Variants in ARID1A observed in about 807,000 individuals in gnomAD.
ARID1A encodes AT-rich interactive domain-containing protein 1A.
In ARID1A, 20 loss-of-function variants were observed where a neutral mutation model predicts 212.6. That is an observed-to-expected ratio of 0.09 (90% CI 0.07 to 0.14). ARID1A has a LOEUF of 0.14. Among genes scored for constraint, ARID1A ranks in the 10% least tolerant of loss-of-function variants. The pLI is 1.00. For synonymous variants in ARID1A, 1,376 were observed against 1,222.1 expected (o/e 1.13, Z -2.63); for missense variants, 2,587 against 3,059.0 (o/e 0.85, Z 3.64).
rs887724617 is a variant in ARID1A, at chr1:26,771,413, A to G, written c.3406+87A>G. On this transcript the variant is annotated intron_variant, in intron 12 of 19. Transcript: ENST00000324856. The surrounding 1 kb of genome is among the most constrained non-coding windows in gnomAD (Gnocchi z 5.4). ...CAGGATATGAATAAGAGGCTTATCC[A>G]ACAGGATATGCCAAGGATCTGTGCT... 1.5e-6 allele frequency: 2 copies of G among 1,359,998 alleles called. No homozygotes were observed. Among genetic ancestry groups the G allele is most frequent in the African/African-American group, 2.9e-5 (2 of 68,894 alleles). The allele number at this position is 1,359,998 out of a possible 1,614,324, so 84.2% of individuals were successfully genotyped here.
In ARID1A at chr1:26,772,295, G is replaced by T. The variant is rs551439315; in HGVS notation, c.3407-205G>T. ...GCCACATCACTCCTCTTTTCTACACGTAAAACAAAAACAAAGAGCTACAAA... is the reference window on the plus strand; with the variant it reads ...GCCACATCACTCCTCTTTTCTACACTTAAAACAAAAACAAAGAGCTACAAA... On this transcript the variant is annotated intron_variant, in intron 12 of 19. Transcript: ENST00000324856. 4.7e-5 allele frequency: 33 copies of T among 696,586 alleles called. No homozygotes were observed. The Admixed American group carries it at 9.8e-4, about 21-fold the overall frequency. 43.2% of individuals were successfully genotyped at this position (696,586 alleles called of 1,614,324 possible).
intron 1 of ARID1A, among the ~76,000 whole-genome samples, chr1:26,719,401 C>T (rs74402083): frequency 6.6e-6 from 1 of 152,174 alleles, no homozygotes; most frequent in East Asian, 1.9e-4. Context: ...ACTGGCCAGG[C>T]ACTGCCCTCT....
At chr1:26,754,287 G>T (rs1212733512) in intron 4 of ARID1A, among the ~76,000 whole-genome samples, 1 of 152,194 alleles carries the variant, frequency 6.6e-6, no homozygotes, top group Non-Finnish European at 1.5e-5. Context: ...GGAGCTGAGA[G>T]CAATATCTGT....
chr1:26,696,055 G>T lies in ARID1A; in HGVS notation c.-349G>T. ...GCAGAAAGCGGAGAGTCACAGCGGG[G>T]CCAGGCCCTGGGGAGCGGAGCCTCC... On this transcript the variant is annotated 5_prime_UTR_variant, in exon 1 of 20. Coordinates refer to ENST00000324856, the MANE Select transcript of ARID1A (RefSeq NM_006015.6). 1 of 668,300 alleles carries T rather than the reference G, an allele frequency of 1.5e-6. No homozygotes were observed. The highest frequency in any genetic ancestry group is 6.0e-5 in the Admixed American group (1 of 16,696). 41.4% of individuals were successfully genotyped at this position (668,300 alleles called of 1,614,324 possible).
intron 1 of ARID1A, among the ~76,000 whole-genome samples, chr1:26,720,670 G>C (rs568380924): frequency 7.8e-4 from 119 of 152,112 alleles, no homozygotes; most frequent in African/African-American, 2.8e-3. Flanking sequence ...TTGAGCTTAG[G>C]AGTTGAAGAA....
intron 4 of ARID1A, among the ~76,000 whole-genome samples, chr1:26,736,430 C>G (rs2080730621): frequency 6.6e-6 from 1 of 151,586 alleles, no homozygotes; most frequent in Admixed American, 6.6e-5. Flanking sequence ...GAGTTCGAGA[C>G]CAGCCTGGCC....
In ARID1A at chr1:26,742,299, G is replaced by A. The variant is rs1176891337; in HGVS notation, c.1920+9507G>A. On this transcript the variant is annotated intron_variant, in intron 4 of 19. Transcript: ENST00000324856. The stretch of plus-strand genomic sequence containing the variant: ...GAGCTGTGGAAAGAGCGAGTGGTAG[G>A]AAAGATAGCCAAACCTATAGGACCT... 3.3e-5 allele frequency among the ~76,000 whole-genome samples: 5 copies of A among 152,204 alleles called. No individual in the cohort carries two copies. The East Asian group carries it at 9.6e-4, about 29-fold the overall frequency.
At chr1:26,759,506 C>T (rs1314570062) in intron 4 of ARID1A, among the ~76,000 whole-genome samples, 1 of 152,176 alleles carries the variant, frequency 6.6e-6, no homozygotes, top group African/African-American at 2.4e-5. Flanking sequence ...CTGCGCGTGG[C>T]CCAGTGTGTT....
chr1:26,773,738 G>T (rs779413130), intron 16 of ARID1A, 21 bp downstream of exon 16: 31 of 1,614,056 alleles, frequency 1.9e-5, no homozygotes, highest in Non-Finnish European at 2.6e-5. Flanking sequence ...CCTGGTCTCG[G>T]TGCTGCTATG....
intron 7 of ARID1A, 61 bp downstream of exon 7, chr1:26,762,380 G>C (rs1210125353): frequency 3.1e-5 from 48 of 1,540,482 alleles, no homozygotes; most frequent in Non-Finnish European, 4.1e-5. Flanking sequence ...TTCCTTGTCT[G>C]ATATGTTGCC....
In ARID1A at chr1:26,729,711, C is replaced by G. The variant is rs576042781; in HGVS notation, c.1198C>G (p.Pro400Ala). The G allele has an allele frequency of 1.2e-6, 2 of 1,614,236 alleles. No homozygotes were observed. Among genetic ancestry groups the G allele is most frequent in the African/African-American group, 2.7e-5 (2 of 75,050 alleles). The change falls in exon 2 of 20, where the codon CCA becomes GCA. Residue 400 changes from proline to alanine, a missense_variant. Transcript: ENST00000324856. ...MRPQPYGGTN[P>A]YSQQQGPPSG... The stretch of plus-strand genomic sequence containing the variant: ...ACCTCAGCCATATGGCGGGACTAAC[C>G]CATACTCGCAGCAACAGGGACCTCC...
intron 1 of ARID1A, among the ~76,000 whole-genome samples, chr1:26,708,955 A>G (rs1485295218): frequency 6.6e-6 from 1 of 151,928 alleles, no homozygotes; most frequent in Non-Finnish European, 1.5e-5. Flanking sequence ...TCGGCCTCCC[A>G]AAGTGCTGGG....
At chr1:26,725,431 C>G (rs1431339801) in intron 1 of ARID1A, among the ~76,000 whole-genome samples, 1 of 152,156 alleles carries the variant, frequency 6.6e-6, no homozygotes, top group South Asian at 2.1e-4. Context: ...AGTTATGTCC[C>G]TGCTCACCTC....
chr1:26,771,035 CT>C lies in ARID1A; in HGVS notation c.3199-82del. 4 of 1,272,462 alleles carry C rather than the reference CT, an allele frequency of 3.1e-6. No homozygotes were observed. The Middle Eastern group carries it at 5.6e-4, about 178-fold the overall frequency. The allele number at this position is 1,272,462 out of a possible 1,614,324, so 78.8% of individuals were successfully genotyped here. A position where few individuals can be genotyped will look rare whatever the true frequency, so the allele number is the denominator to read the frequency against. On this transcript the variant is annotated intron_variant, in intron 11 of 19. Coordinates refer to ENST00000324856, the MANE Select transcript of ARID1A (RefSeq NM_006015.6). The surrounding 1 kb of genome is among the most constrained non-coding windows in gnomAD (Gnocchi z 5.4). ...ACTGTGGTTCTACAAAGATGAATAC[CT>C]TACAGCCTGATGGGGCTTGGGGCTT...
rs1181539238 is a variant in ARID1A, at chr1:26,697,024, C to T, written c.621C>T (p.Phe207=). Residue 207 remains phenylalanine, a synonymous_variant, in exon 1 of 20, where the codon TTC becomes TTT. Transcript: ENST00000324856. ...AGCAGAACTCTCACGACCACGGCTTCCCCAACCACCAGTACAACTCCTACT... is the reference window on the plus strand; with the variant it reads ...AGCAGAACTCTCACGACCACGGCTTTCCCAACCACCAGTACAACTCCTACT... ...GPQQNSHDHG[F]PNHQYNSYYP... The T allele has an allele frequency of 3.3e-6, 5 of 1,537,396 alleles. No homozygotes were observed. The Admixed American group carries it at 6.1e-5, about 19-fold the overall frequency.
Position 26,780,935 on chromosome 1 carries a change from T to G in ARID1A, c.*179T>G. On this transcript the variant is annotated 3_prime_UTR_variant, in exon 20 of 20. Transcript: ENST00000324856. The surrounding 1 kb of genome is among the most constrained non-coding windows in gnomAD (Gnocchi z 7.2). ...CTCTCCTCCTTCCACCTCCCCTCCC[T>G]CCATCACCTCACGCCTTTCTGTTCC... The G allele has an allele frequency of 1.2e-6, 1 of 827,654 alleles. No individual in the cohort carries two copies. The highest frequency in any genetic ancestry group is 1.8e-6 in the Non-Finnish European group (1 of 551,750). The allele number at this position is 827,654 out of a possible 1,614,324, so 51.3% of individuals were successfully genotyped here.
At chr1:26,716,417 A>G (rs1324764900) in intron 1 of ARID1A, among the ~76,000 whole-genome samples, 1 of 152,168 alleles carries the variant, frequency 6.6e-6, no homozygotes, top group Non-Finnish European at 1.5e-5. Flanking sequence ...TACAGTTGTA[A>G]TAAATGCATT....
chr1:26,713,956 C>T (rs2080477775), intron 1 of ARID1A, among the ~76,000 whole-genome samples: 1 of 152,184 alleles, frequency 6.6e-6, no homozygotes, highest in Non-Finnish European at 1.5e-5. Flanking sequence ...TATGTGGTCT[C>T]ATTATGGTAT....
chr1:26,757,395 A>T (rs558469316), intron 4 of ARID1A, among the ~76,000 whole-genome samples: 1 of 147,328 alleles, frequency 6.8e-6, no homozygotes, highest in South Asian at 2.3e-4. Context: ...GCGTGAACCC[A>T]GGAGGCGGAA....
Sources: allele counts gnomAD v4.1 joint callset (sites outside exome capture counted in the v4.1 genomes callset), GRCh38; gene constraint gnomAD v4.1.1; non-coding constraint Gnocchi (gnomAD v3.1); transcripts MANE v1.5; gene names NCBI Gene and HGNC (gene_info 2026-07-23, HGNC 2026-07-21).